Variants in DLG1 observed in about 807,000 individuals in gnomAD.
DLG1 encodes the protein disks large homolog 1.
A neutral mutation model predicts 123.4 loss-of-function variants in DLG1; 42 were observed. The observed-to-expected ratio is 0.34, with a 90% CI of 0.27 to 0.44. DLG1 has a LOEUF of 0.44. Among genes scored for constraint, DLG1 ranks in the 20% least tolerant of loss-of-function variants. The pLI, the probability that DLG1 is intolerant of heterozygous loss-of-function variation, is 1.00. For missense variants in DLG1, 942 were observed against 1,082.6 expected (o/e 0.87, Z 1.82); for synonymous variants, 317 against 356.2 (o/e 0.89, Z 1.24).
chr3:197,101,991 A>C (rs1456981565), intron 14 of DLG1, among the ~76,000 whole-genome samples: 1 of 152,026 alleles, frequency 6.6e-6, no homozygotes, highest in Non-Finnish European at 1.5e-5. Context: ...TCCTGGGCTC[A>C]AGTAATCCTC....
At chr3:197,149,508 G>T (rs184566460) in intron 6 of DLG1, among the ~76,000 whole-genome samples, 2 of 151,936 alleles carry the variant, frequency 1.3e-5, no homozygotes, top group African/African-American at 4.8e-5. Context: ...CATAATTTCT[G>T]AATTAAATTA....
chr3:197,278,682 T>TTA (rs1460852170), intron 4 of DLG1, among the ~76,000 whole-genome samples: 2 of 151,578 alleles, frequency 1.3e-5, no homozygotes, highest in Non-Finnish European at 2.9e-5. Context: ...ACAAACAAAG[T>TTA]TATAAGGTCA....
intron 4 of DLG1, among the ~76,000 whole-genome samples, chr3:197,223,996 C>G (rs1457612548): frequency 2.6e-5 from 4 of 152,162 alleles, no homozygotes; most frequent in Non-Finnish European, 5.9e-5. Flanking sequence ...TTTTTAAAAA[C>G]TCTATCCACA....
At chr3:197,297,821 C>T in intron 1 of DLG1, 1 of 985,346 alleles carries the variant, frequency 1.0e-6, no homozygotes, top group African/African-American at 1.7e-5. Context: ...GAGCGGCGTG[C>T]GCTCGGAACT....
chr3:197,193,587 T>C (rs1298789275), intron 5 of DLG1, among the ~76,000 whole-genome samples: 2 of 152,144 alleles, frequency 1.3e-5, no homozygotes, highest in African/African-American at 4.8e-5. Flanking sequence ...TCTAAAGCAG[T>C]GAAATTTATC....
rs143225882 is a variant in DLG1, at chr3:197,293,666, C to G, written c.151+2680G>C. ...TAAATGCATGAAAAGTCAATATAAA[C>G]TACCAGTTCAAAGAATCAATCAATA... On this transcript the variant is annotated intron_variant, in intron 3 of 24. Transcript: ENST00000667157. Among the ~76,000 whole-genome samples the G allele has an allele frequency of 4.0e-3, 601 of 152,118 alleles. 3 individuals are homozygous for G. Among genetic ancestry groups the G allele is most frequent in the African/African-American group, 0.013 (557 of 41,496 alleles).
intron 5 of DLG1, among the ~76,000 whole-genome samples, chr3:197,155,443 A>G (rs1359527818): frequency 6.6e-6 from 1 of 152,210 alleles, no homozygotes; most frequent in African/African-American, 2.4e-5. Flanking sequence ...TAAAGGTAGC[A>G]GTTCAGGTTG....
In DLG1 at chr3:197,080,820, A is replaced by T. The variant is rs1289142484; in HGVS notation, c.1905+231T>A. Reference sequence around the variant, plus strand: ...AAGGTCAAATACATTTCATTTATAAAAATAAGCTTGACCCAAAAGTATGTT... The same window carrying T: ...AAGGTCAAATACATTTCATTTATAATAATAAGCTTGACCCAAAAGTATGTT... On this transcript the variant is annotated intron_variant, in intron 17 of 24. Coordinates refer to ENST00000667157, the MANE Select transcript of DLG1 (RefSeq NM_001366207.1). 13 of 363,086 alleles carry T rather than the reference A, an allele frequency of 3.6e-5. No individual in the cohort carries two copies. The South Asian group carries it at 6.2e-4, about 17-fold the overall frequency. 22.5% of individuals were successfully genotyped at this position (363,086 alleles called of 1,614,324 possible). A position where few individuals can be genotyped will look rare whatever the true frequency, so the allele number is the denominator to read the frequency against.
intron 4 of DLG1, among the ~76,000 whole-genome samples, chr3:197,219,563 C>A (rs1735864024): frequency 6.6e-6 from 1 of 152,178 alleles, no homozygotes; most frequent in East Asian, 1.9e-4. Context: ...CCCCCGCCCT[C>A]CCCACCAAAA....
intron 4 of DLG1, among the ~76,000 whole-genome samples, chr3:197,214,050 A>T (rs988722819): frequency 6.6e-6 from 1 of 152,242 alleles, no homozygotes; most frequent in African/African-American, 2.4e-5. Context: ...TCTACAATAC[A>T]ACCAAATGAA....
chr3:197,070,556 G>A (rs1354842204), intron 18 of DLG1: 2 of 80,924 alleles, frequency 2.5e-5, no homozygotes, highest in Admixed American at 1.4e-4. Flanking sequence ...ACACCCAGCT[G>A]GAAATTTCAT....
At chr3:197,131,983 T>C (rs533793175) in intron 10 of DLG1, among the ~76,000 whole-genome samples, 1 of 152,300 alleles carries the variant, frequency 6.6e-6, no homozygotes, top group South Asian at 2.1e-4. Flanking sequence ...TTAGAAGTGG[T>C]AGTTTATGTC....
intron 14 of DLG1, among the ~76,000 whole-genome samples, chr3:197,098,736 T>G (rs1761972809): frequency 6.6e-6 from 1 of 152,190 alleles, no homozygotes; most frequent in African/African-American, 2.4e-5. Context: ...TTCATCAAGT[T>G]GGCCAGGCTG....
At chr3:197,066,862 A>C (rs1739965493) in intron 19 of DLG1, 108 bp from the exon 20 acceptor site, 1 of 639,156 alleles carries the variant, frequency 1.6e-6, no homozygotes, top group South Asian at 2.8e-5. Flanking sequence ...AGAAAATGGC[A>C]AAGATATGGA....
At chr3:197,184,140 G>T in intron 5 of DLG1, 1 of 1,064,430 alleles carries the variant, frequency 9.4e-7, no homozygotes, top group Non-Finnish European at 1.1e-6. Flanking sequence ...ATAACTAGAT[G>T]GATTGAAATC....
At chr3:197,207,387 C>A (rs1729117122) in intron 4 of DLG1, among the ~76,000 whole-genome samples, 1 of 152,156 alleles carries the variant, frequency 6.6e-6, no homozygotes, top group Admixed American at 6.5e-5. Flanking sequence ...AGAAGACAGA[C>A]CACGTTCTTG....
At chr3:197,149,919 A>G in intron 5 of DLG1, 123 bp from the exon 6 acceptor site, 1 of 638,386 alleles carries the variant, frequency 1.6e-6, no homozygotes, top group Non-Finnish European at 2.8e-6. Flanking sequence ...TGAGCTTTTT[A>G]TATGTTAAAT....
Position 197,065,813 on chromosome 3 carries a change from T to C in DLG1, c.2099-4A>G. The C allele has an allele frequency of 6.6e-7, 1 of 1,513,080 alleles. No homozygotes were observed. The highest frequency in any genetic ancestry group is 9.1e-7 in the Non-Finnish European group (1 of 1,096,014). The allele number at this position is 1,513,080 out of a possible 1,614,324, so 93.7% of individuals were successfully genotyped here. The stretch of plus-strand genomic sequence containing the variant: ...ATCACTGGTCGAGTATAATTAACTA[T>C]AAAGATAAACTGCATGTTAAAAGGA... On this transcript the variant is annotated splice_polypyrimidine_tract_variant and splice_region_variant and intron_variant, in intron 20 of 24. Transcript: ENST00000667157.
intron 5 of DLG1, among the ~76,000 whole-genome samples, chr3:197,159,113 G>A (rs569887621): frequency 2.5e-4 from 38 of 152,258 alleles, no homozygotes; most frequent in Middle Eastern, 6.8e-3. Flanking sequence ...ACCATCACAC[G>A]TAGAAACAGG....
Sources: gnomAD v4.1 joint callset for allele counts (sites outside exome capture counted in the v4.1 genomes callset) on GRCh38, gnomAD v4.1.1 for gene constraint, MANE v1.5 for transcripts, NCBI Gene and HGNC (gene_info 2026-07-23, HGNC 2026-07-21) for gene names.